ANK3: variants seen among roughly 807,000 people sequenced by gnomAD.
ANK3 encodes ankyrin-3.
ANK3 carries 57 observed loss-of-function variants against 370.9 expected under a neutral mutation model. That is an observed-to-expected ratio of 0.15 (90% confidence interval 0.12 to 0.19). The LOEUF (loss-of-function observed/expected upper bound fraction) is 0.19. ANK3 is among the 10% of genes least tolerant of loss of function. The pLI is 1.00. For missense variants in ANK3, 4,439 were observed against 5,302.1 expected (o/e 0.84, Z 5.06); for synonymous variants, 1,929 against 1,946.3 (o/e 0.99, Z 0.23).
intron 7 of ANK3, among the ~76,000 whole-genome samples, chr10:60,243,722 A>G (rs2097510140): frequency 6.6e-6 from 1 of 152,230 alleles, no homozygotes; most frequent in Non-Finnish European, 1.5e-5. Context: ...TTATACAGAC[A>G]TTTAGAAATG....
At chr10:60,064,655 C>T (rs1442122744) in intron 38 of ANK3, among the ~76,000 whole-genome samples, 3 of 126,672 alleles carry the variant, frequency 2.4e-5, no homozygotes, top group Non-Finnish European at 5.3e-5. Flanking sequence ...GGCAAAACCC[C>T]GGTCTCCATA....
At chr10:60,542,132 T>A (rs946619007) in intron 2 of ANK3, among the ~76,000 whole-genome samples, 3 of 151,912 alleles carry the variant, frequency 2.0e-5, no homozygotes, top group African/African-American at 7.2e-5. Context: ...TAATTTTTTT[T>A]AATCCTTTAT....
chr10:60,410,480 G>A (rs1355867076), intron 2 of ANK3, among the ~76,000 whole-genome samples: 1 of 152,090 alleles, frequency 6.6e-6, no homozygotes, highest in Non-Finnish European at 1.5e-5. Context: ...TGGAGGGAGG[G>A]AAGAAGGAAG....
At chr10:60,382,797 C>CTT (rs2061711428) in intron 1 of ANK3, among the ~76,000 whole-genome samples, 1 of 133,744 alleles carries the variant, frequency 7.5e-6, no homozygotes, top group African/African-American at 2.7e-5. Context: ...ATACCTAAAT[C>CTT]TATATATATA....
intron 12 of ANK3, 138 bp from the exon 13 acceptor site, chr10:60,200,365 A>G: frequency 1.4e-6 from 1 of 719,074 alleles, no homozygotes; most frequent in Non-Finnish European, 2.5e-6. Context: ...AAGATAGGAA[A>G]TCAAATGCAT....
At chr10:60,101,898 T>A (rs2091318715) in intron 28 of ANK3, among the ~76,000 whole-genome samples, 1 of 152,088 alleles carries the variant, frequency 6.6e-6, no homozygotes, top group Non-Finnish European at 1.5e-5. Context: ...TATATGTGGC[T>A]CTTTTGTTCT....
intron 32 of ANK3, chr10:60,083,834 G>T: frequency 5.8e-6 from 2 of 346,484 alleles, no homozygotes; most frequent in Admixed American, 4.8e-5. Context: ...ATACAGAACA[G>T]AATTACACAT....
intron 1 of ANK3, among the ~76,000 whole-genome samples, chr10:60,659,513 C>T (rs935405525): frequency 4.6e-5 from 7 of 152,116 alleles, no homozygotes; most frequent in Non-Finnish European, 7.4e-5. Flanking sequence ...TATCACCTCT[C>T]TGCTTATGCT....
upstream of ANK3, among the ~76,000 whole-genome samples, chr10:60,390,575 G>T (rs1012586360): frequency 2.0e-5 from 3 of 151,982 alleles, no homozygotes; most frequent in African/African-American, 7.3e-5. Flanking sequence ...GGCCTGCTGG[G>T]GTGTCTTCTG....
intron 2 of ANK3, among the ~76,000 whole-genome samples, chr10:60,509,150 G>T (rs1355474352): frequency 6.6e-6 from 1 of 152,024 alleles, no homozygotes; most frequent in Non-Finnish European, 1.5e-5. Flanking sequence ...AAACACTTTG[G>T]TGTGCACATC....
intron 1 of ANK3, among the ~76,000 whole-genome samples, chr10:60,645,451 G>C (rs1390253177): frequency 6.6e-6 from 1 of 152,100 alleles, no homozygotes. Flanking sequence ...TAGGCCAGGC[G>C]CAGTGGCTCA....
rs1564829169 is a variant in ANK3 at position 60,075,723 on chromosome 10, T to G, written c.5158A>C (p.Ile1720Leu). ...GATGATGGATATTTTAGAGGGGAAA[T>G]AGATCCATTGACTAATGCTACCTCT... Reference protein sequence around the residue: ...HAEVALVNGSISPLKYPSSST... With the variant: ...HAEVALVNGSLSPLKYPSSST... Residue 1720 changes from isoleucine to leucine, a missense_variant, in exon 37 of 44, where the codon ATT becomes CTT. Ile to Leu is a conservative substitution (Grantham distance 5, BLOSUM62 2). Transcript: ENST00000280772. 1.9e-6 allele frequency: 3 copies of G among 1,614,062 alleles called. No homozygotes were observed. Among genetic ancestry groups the G allele is most frequent in the African/African-American group, 2.7e-5 (2 of 75,044 alleles).
intron 1 of ANK3, among the ~76,000 whole-genome samples, chr10:60,293,634 C>T (rs907665778): frequency 3.9e-5 from 6 of 152,140 alleles, no homozygotes; most frequent in Non-Finnish European, 7.3e-5. Context: ...GAATTGGACC[C>T]ACTCCTCACA....
At chr10:60,510,754 A>T (rs1241701047) in intron 2 of ANK3, among the ~76,000 whole-genome samples, 1 of 152,090 alleles carries the variant, frequency 6.6e-6, no homozygotes, top group Admixed American at 6.6e-5. Context: ...TGGGAGGTGG[A>T]GGTTGTAGTG....
At chr10:60,374,601 C>T (rs2060522992) in intron 1 of ANK3, among the ~76,000 whole-genome samples, 1 of 152,052 alleles carries the variant, frequency 6.6e-6, no homozygotes. Flanking sequence ...GTTCCAAATA[C>T]CAGCTCTGGC....
intron 1 of ANK3, among the ~76,000 whole-genome samples, chr10:60,342,215 A>G (rs181707258): frequency 6.6e-6 from 1 of 152,282 alleles, no homozygotes; most frequent in East Asian, 1.9e-4. Context: ...TATCTCCTAC[A>G]CTGCAGTATT....
chr10:60,354,806 ATGT>A (rs1471113844), intron 1 of ANK3, among the ~76,000 whole-genome samples: 2 of 152,240 alleles, frequency 1.3e-5, no homozygotes, highest in Admixed American at 6.5e-5. Flanking sequence ...AAAAAGTGGA[ATGT>A]TATTATAATA....
At chr10:60,059,913 A>G (rs1175575001) in intron 40 of ANK3, 4 of 1,614,148 alleles carry the variant, frequency 2.5e-6, no homozygotes, top group Admixed American at 3.3e-5. Context: ...TATGCTAGAG[A>G]TATCACTAAA....
At chr10:60,597,482 T>C (rs1412437881) in intron 2 of ANK3, among the ~76,000 whole-genome samples, 1 of 152,200 alleles carries the variant, frequency 6.6e-6, no homozygotes, top group Non-Finnish European at 1.5e-5. Context: ...CAGGGTACCT[T>C]TCAAACTTCC....
Sources: allele counts gnomAD v4.1 joint callset (sites outside exome capture counted in the v4.1 genomes callset), GRCh38; gene constraint gnomAD v4.1.1; transcripts MANE v1.5; gene names NCBI Gene and HGNC (gene_info 2026-07-23, HGNC 2026-07-21).